Variants in SRP19 observed in about 807,000 individuals in gnomAD.
The protein encoded by SRP19 is signal recognition particle 19.
SRP19 carries 11 observed loss-of-function variants against 22.4 expected under a neutral mutation model. The ratio of observed to expected loss-of-function variants is 0.49; its 90% confidence interval spans 0.31 to 0.81. SRP19 has a LOEUF of 0.81. Ranked by LOEUF, SRP19 falls within the 40% of genes least tolerant of loss-of-function variation. SRP19 has a pLI of 0.05. For missense variants in SRP19, 168 were observed against 175.9 expected (o/e 0.96, Z 0.25); for synonymous variants, 61 against 57.6 (o/e 1.06, Z -0.27).
At chr5:112,892,462 G>A in exon 5 of SRP19, 3 of 1,614,160 alleles carry the variant, frequency 1.9e-6, no homozygotes, top group African/African-American at 1.3e-5. Flanking sequence ...GAGGGGCAAT[G>A]TATATGTTCA....
chr5:112,864,746 A>G lies in SRP19; in HGVS notation c.301+14A>G. ...AGTTCCCATCACGTAAGCTTGTTTAAATGAATCAGTGGGGCTCAGGGATAG... is the reference window on the plus strand; with the variant it reads ...AGTTCCCATCACGTAAGCTTGTTTAGATGAATCAGTGGGGCTCAGGGATAG... On this transcript the variant is annotated intron_variant, in intron 4 of 4. Coordinates refer to ENST00000505459, the MANE Select transcript of SRP19 (RefSeq NM_003135.3). 1.3e-6 allele frequency: 2 copies of G among 1,591,280 alleles called. No homozygotes were observed. The highest frequency in any genetic ancestry group is 1.7e-6 in the Non-Finnish European group (2 of 1,163,474).
chr5:112,876,416 T>C (rs976409430), intron 4 of SRP19: 4 of 152,354 alleles, frequency 2.6e-5, no homozygotes, highest in East Asian at 1.9e-4. Context: ...TTTACATCTA[T>C]TTATTTCCAT....
chr5:112,877,391 A>G (rs2150031481), intron 4 of SRP19: 1 of 152,232 alleles, frequency 6.6e-6, no homozygotes, highest in East Asian at 1.9e-4. Context: ...ATTCAAAAGG[A>G]CTCTTAACAG....
intron 2 of SRP19, among the ~76,000 whole-genome samples, chr5:112,863,589 C>T (rs1410810717): frequency 2.0e-5 from 3 of 152,144 alleles, no homozygotes; most frequent in African/African-American, 4.8e-5. Context: ...ACAGAATTTC[C>T]CTGCTCAAAA....
At chr5:112,885,745 C>G in intron 4 of SRP19, 1 of 281,528 alleles carries the variant, frequency 3.6e-6, no homozygotes, top group Non-Finnish European at 7.4e-6. Flanking sequence ...TATTAATGAA[C>G]TAATTAATTT....
intron 4 of SRP19, chr5:112,878,907 G>C: frequency 6.2e-7 from 1 of 1,610,062 alleles, no homozygotes; most frequent in Non-Finnish European, 8.5e-7. Flanking sequence ...TGCAAGCTTT[G>C]TGCCTAATGT....
chr5:112,892,736 C>G, exon 5 of SRP19: 1 of 1,613,930 alleles, frequency 6.2e-7, no homozygotes, highest in East Asian at 2.2e-5. Flanking sequence ...GGCAAGAACT[C>G]CGAGAGGAGG....
At chr5:112,895,237 C>CAAAAAAAAAAAAAAAAAAA (rs10684553), downstream of SRP19, 30 of 62,212 alleles carry the variant, frequency 4.8e-4, 2 homozygotes, top group African/African-American at 2.0e-3. Flanking sequence ...GACTCTGTCT[C>CAAAAAAAAAAAAAAAAAAA]AAAAAAAAAA....
At chr5:112,892,913 C>A (rs767279555) in exon 5 of SRP19, 8 of 1,607,720 alleles carry the variant, frequency 5.0e-6, no homozygotes, top group African/African-American at 1.3e-5. Context: ...AGGCACAATT[C>A]ACCAAGCAGA....
Position 112,875,474 on chromosome 5 carries a change from T to G in SRP19, c.301+10742T>G, listed in dbSNP as rs191608186. Among the ~76,000 whole-genome samples the G allele has an allele frequency of 2.3e-3, 355 of 151,606 alleles. 2 individuals are homozygous for G. The highest frequency in any genetic ancestry group is 8.3e-3 in the African/African-American group (342 of 41,342). ...GCCTTGACCTCCCAGGCTCAAGTCCTCCCACCTCAGCCTCCTGAGGAGCTG... is the reference window on the plus strand; with the variant it reads ...GCCTTGACCTCCCAGGCTCAAGTCCGCCCACCTCAGCCTCCTGAGGAGCTG... On this transcript the variant is annotated intron_variant, in intron 4 of 4. Coordinates refer to the SRP19 transcript ENST00000391338.
intron 4 of SRP19, chr5:112,882,049 G>A (rs138414710): frequency 6.9e-4 from 106 of 153,774 alleles, no homozygotes; most frequent in African/African-American, 2.5e-3. Flanking sequence ...TGTGATTACA[G>A]GTGTGAGCAC....
intron 4 of SRP19, among the ~76,000 whole-genome samples, chr5:112,880,107 A>G (rs1192353800): frequency 1.3e-5 from 2 of 152,114 alleles, no homozygotes; most frequent in Admixed American, 6.5e-5. Flanking sequence ...ACAAGACACT[A>G]CATTCATCAA....
At chr5:112,862,074 G>A (rs898863991) in intron 1 of SRP19, among the ~76,000 whole-genome samples, 1 of 152,150 alleles carries the variant, frequency 6.6e-6, no homozygotes, top group Admixed American at 6.5e-5. Context: ...CCAGGTTCTT[G>A]GCGTTTTGAA....
intron 1 of SRP19, among the ~76,000 whole-genome samples, chr5:112,861,969 A>T (rs1767415558): frequency 6.6e-6 from 1 of 152,202 alleles, no homozygotes; most frequent in African/African-American, 2.4e-5. Context: ...AACATTAAGC[A>T]AATAATAGCA....
Position 112,889,830 on chromosome 5 carries a change from T to A in SRP19, c.302-1773T>A, listed in dbSNP as rs568803693. ...GACCACATCTCTAGGAAAAAAAAAATTTTTTTTTTTTTTTGAGACTGATTC... is the reference window on the plus strand; with the variant it reads ...GACCACATCTCTAGGAAAAAAAAAAATTTTTTTTTTTTTTGAGACTGATTC... On this transcript the variant is annotated intron_variant, in intron 4 of 4. Coordinates refer to the SRP19 transcript ENST00000391338. Among the ~76,000 whole-genome samples, 253 of 49,932 alleles carry A rather than the reference T, an allele frequency of 5.1e-3. 4 individuals are homozygous for A. Among genetic ancestry groups the A allele is most frequent in the Admixed American group, 7.4e-3 (46 of 6,202 alleles). The allele number at this position is 49,932 out of a possible 152,430, so 32.8% of individuals were successfully genotyped here.
At chr5:112,879,220 A>G (rs997317304) in intron 4 of SRP19, among the ~76,000 whole-genome samples, 1 of 151,246 alleles carries the variant, frequency 6.6e-6, no homozygotes, top group African/African-American at 2.4e-5. Context: ...TCAATATATT[A>G]TCAATCTGAT....
chr5:112,892,634 A>G (rs1273223137), exon 5 of SRP19: 4 of 1,614,030 alleles, frequency 2.5e-6, no homozygotes, highest in African/African-American at 1.3e-5. Flanking sequence ...AAACACTGCA[A>G]CTTTCTTCAT....
At chr5:112,893,054 C>T (rs756540897) in exon 5 of SRP19, 23 of 1,261,294 alleles carry the variant, frequency 1.8e-5, no homozygotes, top group Non-Finnish European at 2.6e-5. Flanking sequence ...AGAGACAGAA[C>T]TGTTCAGAGT....
chr5:112,881,505 C>G (rs116496791), intron 4 of SRP19, among the ~76,000 whole-genome samples: 1,829 of 152,328 alleles, frequency 0.012, 9 homozygotes, highest in Middle Eastern at 0.037. Context: ...CCTTTACCTT[C>G]TTGCTCTTAG....
Sources: gnomAD v4.1 joint callset for allele counts (sites outside exome capture counted in the v4.1 genomes callset) on GRCh38, gnomAD v4.1.1 for gene constraint, MANE v1.5 for transcripts, NCBI Gene and HGNC (gene_info 2026-07-23, HGNC 2026-07-21) for gene names.